The following ACTN2 variants were observed in gnomAD, a reference collection of about 807,000 sequenced individuals.
The protein encoded by ACTN2 is actinin alpha 2.
Under a neutral mutation model 113.8 loss-of-function variants are expected in ACTN2, and 39 were observed. The ratio of observed to expected loss-of-function variants is 0.34; its 90% CI spans 0.27 to 0.45. The LOEUF (loss-of-function observed/expected upper bound fraction) is 0.45, where lower values mean the gene tolerates loss of function less well. ACTN2 is among the 20% of genes least tolerant of loss of function. ACTN2 has a pLI of 1.00. For synonymous variants in ACTN2, 429 were observed against 444.1 expected (o/e 0.97, Z 0.43); for missense variants, 992 against 1,177.9 (o/e 0.84, Z 2.31).
chr1:236,700,550 A>G (rs982448494), intron 1 of ACTN2, among the ~76,000 whole-genome samples: 5 of 152,186 alleles, frequency 3.3e-5, no homozygotes, highest in Non-Finnish European at 7.3e-5. Flanking sequence ...CCCTGATCTT[A>G]TAAACTGACC....
In ACTN2 at chr1:236,751,907, G is replaced by A. The variant is rs4659713; in HGVS notation, c.1839+255G>A. ...TCTTATAAATGTTGACACAACCACTGTAGGTTATGATCCTAATACCATAAA... is the reference window on the plus strand; with the variant it reads ...TCTTATAAATGTTGACACAACCACTATAGGTTATGATCCTAATACCATAAA... On this transcript the variant is annotated intron_variant, in intron 15 of 20. Coordinates refer to ENST00000366578, the MANE Select transcript of ACTN2 (RefSeq NM_001103.4). 0.8 allele frequency among the ~76,000 whole-genome samples: 122,006 copies of A among 152,136 alleles called. 49,472 individuals are homozygous for A. Among genetic ancestry groups the A allele is most frequent in the South Asian group, 0.88 (4,228 of 4,826 alleles).
chr1:236,721,504 G>A (rs1658395300), intron 4 of ACTN2, among the ~76,000 whole-genome samples: 1 of 152,020 alleles, frequency 6.6e-6, no homozygotes, highest in South Asian at 2.1e-4. Context: ...AAATCTAATG[G>A]CATTAAAACA....
At chr1:236,742,314 A>G (rs1161957545) in intron 10 of ACTN2, among the ~76,000 whole-genome samples, 1 of 151,914 alleles carries the variant, frequency 6.6e-6, no homozygotes, top group Non-Finnish European at 1.5e-5. Context: ...GTTTACCCTT[A>G]CAGAGTTTCT....
At chr1:236,709,220 G>GTGTATATA (rs1275373436) in intron 1 of ACTN2, among the ~76,000 whole-genome samples, 115 of 66,828 alleles carry the variant, frequency 1.7e-3, no homozygotes, top group African/African-American at 7.0e-3. Context: ...ACAAATGACT[G>GTGTATATA]TATATATATA....
intron 7 of ACTN2, among the ~76,000 whole-genome samples, chr1:236,735,319 C>T (rs866412207): frequency 4.6e-5 from 7 of 152,170 alleles, no homozygotes; most frequent in South Asian, 2.1e-4. Context: ...GGGTAACAAG[C>T]TCTGATCTGC....
At chr1:236,715,376 C>G (rs927344609) in intron 1 of ACTN2, among the ~76,000 whole-genome samples, 6 of 139,340 alleles carry the variant, frequency 4.3e-5, no homozygotes, top group Admixed American at 8.1e-5. Context: ...AAAATAAATA[C>G]ATAAAATTAA....
At chr1:236,689,685 G>A (rs1484934084) in intron 1 of ACTN2, among the ~76,000 whole-genome samples, 2 of 152,130 alleles carry the variant, frequency 1.3e-5, no homozygotes, top group African/African-American at 2.4e-5. Flanking sequence ...CTGAAATGCT[G>A]AGACACACTC....
At chr1:236,700,008 C>T (rs1657626973) in intron 1 of ACTN2, among the ~76,000 whole-genome samples, 1 of 152,134 alleles carries the variant, frequency 6.6e-6, no homozygotes, top group South Asian at 2.1e-4. Context: ...CCCCCTACTT[C>T]CCACAGCTGC....
intron 11 of ACTN2, among the ~76,000 whole-genome samples, chr1:236,744,240 G>C (rs1572136579): frequency 6.6e-6 from 1 of 152,172 alleles, no homozygotes; most frequent in African/African-American, 2.4e-5. Flanking sequence ...TAGACAAATG[G>C]AGCACCGGGG....
At chr1:236,728,482 C>A (rs991995246) in intron 6 of ACTN2, among the ~76,000 whole-genome samples, 1 of 152,172 alleles carries the variant, frequency 6.6e-6, no homozygotes, top group Admixed American at 6.6e-5. Flanking sequence ...TTGACTTTTT[C>A]TGGAGGATTT....
intron 4 of ACTN2, among the ~76,000 whole-genome samples, chr1:236,723,163 A>C (rs1622149): frequency 0.9 from 136,436 of 152,242 alleles, 62,417 homozygotes; most frequent in Non-Finnish European, 0.99. Flanking sequence ...AACTCTATTA[A>C]ATACATCCCA....
At position 236,764,198 on chromosome 1, in the gene ACTN2, A is replaced by G. The variant is rs1391319753; in HGVS notation, c.*1579A>G. 1 of 152,202 alleles carries G rather than the reference A, an allele frequency of 6.6e-6. No individual in the cohort carries two copies. Among genetic ancestry groups the G allele is most frequent in the Non-Finnish European group, 1.5e-5 (1 of 68,038 alleles). The allele number at this position is 152,202 out of a possible 1,614,324, so 9.4% of individuals were successfully genotyped here. A position where few individuals can be genotyped will look rare whatever the true frequency, so the allele number is the denominator to read the frequency against. On this transcript the variant is annotated 3_prime_UTR_variant, in exon 21 of 21. Coordinates refer to ENST00000366578, the MANE Select transcript of ACTN2 (RefSeq NM_001103.4). ...TTATGAATTTCACTTAATTTGCTTC[A>G]TTATTAAGTAATTGGTAGTTTCCAG...
chr1:236,760,706 C>T (rs559214048), intron 19 of ACTN2, among the ~76,000 whole-genome samples: 9 of 152,300 alleles, frequency 5.9e-5, no homozygotes, highest in African/African-American at 1.9e-4. Context: ...GCTCAGCTCC[C>T]GCTTTGACCT....
rs1457759978 is a variant in ACTN2 at position 236,744,670 on chromosome 1, C to G, written c.1300C>G (p.Leu434Val). 8 of 1,614,132 alleles carry G rather than the reference C, an allele frequency of 5.0e-6. No homozygotes were observed. Among genetic ancestry groups the G allele is most frequent in the Non-Finnish European group, 6.8e-6 (8 of 1,180,056 alleles). Reference sequence around the variant, plus strand: ...GCAGAAGGATTACGAGTCGGCGTCGCTGACAGAGGTGCGGGCTCTGCTGCG... The same window carrying G: ...GCAGAAGGATTACGAGTCGGCGTCGGTGACAGAGGTGCGGGCTCTGCTGCG... ...LLQKDYESAS[L>V]TEVRALLRKH... Residue 434 changes from leucine (L) to valine (V), a missense_variant, in exon 12 of 21, where the codon CTG becomes GTG. Around this residue, in one of 3 missense-constraint regions of ACTN2, gnomAD observed 736 missense variants for 815.4 expected, o/e 0.90. Transcript: ENST00000366578.
At chr1:236,697,826 C>G (rs899010157) in intron 1 of ACTN2, among the ~76,000 whole-genome samples, 1 of 149,486 alleles carries the variant, frequency 6.7e-6, no homozygotes, top group East Asian at 2.0e-4. Flanking sequence ...TGCAATGGCA[C>G]GATCTTGGCT....
chr1:236,696,011 T>C (rs1352151668), intron 1 of ACTN2, among the ~76,000 whole-genome samples: 1 of 152,154 alleles, frequency 6.6e-6, no homozygotes, highest in African/African-American at 2.4e-5. Flanking sequence ...TAGGTGAATA[T>C]GAGATTGTTT....
chr1:236,740,103 C>T (rs1659022411), intron 10 of ACTN2, among the ~76,000 whole-genome samples: 1 of 152,042 alleles, frequency 6.6e-6, no homozygotes, highest in Non-Finnish European at 1.5e-5. Flanking sequence ...CCGCTCCCTC[C>T]CCACTCACTC....
rs75192899 is a variant in ACTN2, at chr1:236,743,324, T to C, written c.1255+281T>C. On this transcript the variant is annotated intron_variant, in intron 11 of 20. Coordinates refer to ENST00000366578, the MANE Select transcript of ACTN2 (RefSeq NM_001103.4). ...AGGCCTGGCCTCCTTCCATGTTTTC[T>C]GTTTGATTCCACAAGTATCCACTCA... is the stretch of plus-strand genomic sequence containing the variant. Among the ~76,000 whole-genome samples, 644 of 152,358 alleles carry C rather than the reference T, an allele frequency of 4.2e-3. 2 individuals carry two copies. The highest frequency in any genetic ancestry group is 0.015 in the African/African-American group (629 of 41,584).
At position 236,762,576 on chromosome 1, in the gene ACTN2, A is replaced by G. The variant is rs1659742476; in HGVS notation, c.2642A>G (p.Tyr881Cys). Residue 881 changes from tyrosine (Y) to cysteine (C), a missense_variant, in exon 21 of 21, where the codon TAC becomes TGC. Coordinates refer to ENST00000366578, the MANE Select transcript of ACTN2 (RefSeq NM_001103.4). ...GPGSVPGALD[Y>C]AAFSSALYGE... is the part of the protein sequence containing the mutation. ...GGCAGTGTGCCTGGTGCACTGGATT[A>G]CGCTGCGTTCTCTTCCGCACTCTAC... 1.2e-6 allele frequency: 2 copies of G among 1,614,184 alleles called. No homozygotes were observed. Among genetic ancestry groups the G allele is most frequent in the Non-Finnish European group, 1.7e-6 (2 of 1,180,028 alleles).
Sources: allele counts gnomAD v4.1 joint callset (sites outside exome capture counted in the v4.1 genomes callset), GRCh38; gene constraint gnomAD v4.1.1; regional missense constraint gnomAD v4.1.1; transcripts MANE v1.5; gene names NCBI Gene and HGNC (gene_info 2026-07-23, HGNC 2026-07-21).